Variants in ATP2C2 observed in about 807,000 individuals in gnomAD.
ATP2C2 encodes the protein ATPase secretory pathway Ca2+ transporting 2, also known as calcium-transporting ATPase type 2C member 2.
A neutral mutation model predicts 110.8 loss-of-function variants in ATP2C2; 171 were observed. That is an observed-to-expected ratio of 1.54 (90% confidence interval 1.36 to 1.75). The LOEUF (loss-of-function observed/expected upper bound fraction) is 1.75. Ranked by LOEUF, ATP2C2 falls within the 40% of genes most tolerant of loss-of-function variation. The pLI is 0.00. For missense variants in ATP2C2, 1,963 were observed against 1,235.0 expected (o/e 1.59, Z -8.84); for synonymous variants, 804 against 508.4 (o/e 1.58, Z -7.82).
At position 84,426,825 on chromosome 16, in the gene ATP2C2, T is replaced by C. The variant is rs140111414; in HGVS notation, c.986+1024T>C. 1.6e-4 allele frequency among the ~76,000 whole-genome samples: 24 copies of C among 152,262 alleles called. No individual in the cohort carries two copies. The East Asian group carries it at 4.2e-3, about 27-fold the overall frequency. On this transcript the variant is annotated intron_variant, in intron 11 of 26. Transcript: ENST00000262429. Reference sequence around the variant, plus strand: ...CAGCAGGGCTGGGAGTCATCATCACTTGATGATGCTAAGCCGAGGGGACCC... The same window carrying C: ...CAGCAGGGCTGGGAGTCATCATCACCTGATGATGCTAAGCCGAGGGGACCC...
rs72804665 is a variant in ATP2C2 at position 84,384,590 on chromosome 16, C to T, written c.100-13909C>T. Among the ~76,000 whole-genome samples the T allele has an allele frequency of 4.6e-5, 7 of 152,014 alleles. 1 individual carries two copies. Among genetic ancestry groups the T allele is most frequent in the African/African-American group, 9.7e-5 (4 of 41,372 alleles). ...CCCTTGTAATGATTAAGTATTTTAC[C>T]GAGAGACATGTTGAGACTGTGTCAG... is the stretch of plus-strand genomic sequence containing the variant. On this transcript the variant is annotated intron_variant, in intron 1 of 26. Coordinates refer to ENST00000262429, the MANE Select transcript of ATP2C2 (RefSeq NM_014861.4).
At chr16:84,460,984 A>T in intron 24 of ATP2C2, 183 bp downstream of exon 24, 1 of 825,628 alleles carries the variant, frequency 1.2e-6, no homozygotes, top group Middle Eastern at 3.8e-4. Flanking sequence ...TGACCCTTGA[A>T]AGAAGGGAGG....
chr16:84,401,033 T>C (rs990023981), intron 2 of ATP2C2, among the ~76,000 whole-genome samples: 2 of 152,182 alleles, frequency 1.3e-5, no homozygotes, highest in Non-Finnish European at 2.9e-5. Flanking sequence ...CTTCACTTTG[T>C]TGATGATTTC....
At chr16:84,391,165 C>T (rs569967879) in intron 1 of ATP2C2, among the ~76,000 whole-genome samples, 1 of 150,976 alleles carries the variant, frequency 6.6e-6, no homozygotes, top group Non-Finnish European at 1.5e-5. Context: ...TTGGTTCTGC[C>T]TAAATCACCT....
At chr16:84,377,531 TTCC>T (rs1910318693) in intron 1 of ATP2C2, among the ~76,000 whole-genome samples, 1 of 152,048 alleles carries the variant, frequency 6.6e-6, no homozygotes, top group Non-Finnish European at 1.5e-5. Flanking sequence ...CATGGCTGCC[TTCC>T]CTGTGTCTTC....
chr16:84,372,614 G>A (rs990085140), intron 1 of ATP2C2, among the ~76,000 whole-genome samples: 15 of 151,578 alleles, frequency 9.9e-5, no homozygotes, highest in Non-Finnish European at 1.8e-4. Flanking sequence ...TAGTAGAGAT[G>A]GGGGTTTCAC....
At chr16:84,453,006 C>T (rs1282980305) in intron 18 of ATP2C2, 132 bp from the exon 19 acceptor site, 5 of 861,976 alleles carry the variant, frequency 5.8e-6, no homozygotes, top group Admixed American at 4.8e-5. Flanking sequence ...GGCCGTGCAG[C>T]ATGGTAGGTC....
chr16:84,407,886 C>A (rs1597781015), intron 3 of ATP2C2, among the ~76,000 whole-genome samples: 1 of 152,298 alleles, frequency 6.6e-6, no homozygotes, highest in East Asian at 1.9e-4. Context: ...CATGAGATGT[C>A]TCTGAAATGA....
intron 11 of ATP2C2, among the ~76,000 whole-genome samples, chr16:84,438,259 G>A (rs1329029714): frequency 1.3e-5 from 2 of 152,168 alleles, no homozygotes; most frequent in Non-Finnish European, 2.9e-5. Flanking sequence ...AGCTTCAGCA[G>A]TGGCCCACTT....
At chr16:84,431,220 T>A (rs910118534) in intron 11 of ATP2C2, among the ~76,000 whole-genome samples, 4 of 151,956 alleles carry the variant, frequency 2.6e-5, no homozygotes, top group African/African-American at 4.8e-5. Flanking sequence ...AGAAACCAGC[T>A]GGGCATGGTG....
intron 11 of ATP2C2, among the ~76,000 whole-genome samples, chr16:84,434,374 C>G (rs1908557504): frequency 2.0e-5 from 3 of 151,676 alleles, no homozygotes; most frequent in African/African-American, 7.3e-5. Context: ...CGAGATTGCA[C>G]CGCTGCACTC....
At chr16:84,412,707 A>C (rs1204693694) in intron 6 of ATP2C2, among the ~76,000 whole-genome samples, 1 of 152,120 alleles carries the variant, frequency 6.6e-6, no homozygotes, top group African/African-American at 2.4e-5. Flanking sequence ...AAAAAAGGCC[A>C]AAGTCTTCTC....
At chr16:84,450,265 G>C (rs756819057) in intron 17 of ATP2C2, among the ~76,000 whole-genome samples, 2 of 152,168 alleles carry the variant, frequency 1.3e-5, no homozygotes, top group African/African-American at 2.4e-5. Context: ...TTTCCAATCT[G>C]TGTTTAGTCT....
rs980767651 is a variant in ATP2C2 at position 84,461,611 on chromosome 16, C to A, written c.2482-103C>A. ...CCGATTCATGAGCTTGTAAGTGGCT[C>A]CCAGCCATGCCCCAGGAGCAGTGAG... On this transcript the variant is annotated intron_variant, in intron 24 of 26. Coordinates refer to ENST00000262429, the MANE Select transcript of ATP2C2 (RefSeq NM_014861.4). 9 of 1,051,998 alleles carry A rather than the reference C, an allele frequency of 8.6e-6. No individual in the cohort carries two copies. In the African/African-American group the frequency reaches 1.4e-4, roughly 16 times the overall value. The allele number at this position is 1,051,998 out of a possible 1,614,324, so 65.2% of individuals were successfully genotyped here. A position where few individuals can be genotyped will look rare whatever the true frequency, so the allele number is the denominator to read the frequency against.
intron 1 of ATP2C2, among the ~76,000 whole-genome samples, chr16:84,384,659 A>G (rs959782624): frequency 6.6e-6 from 1 of 152,194 alleles, no homozygotes; most frequent in Non-Finnish European, 1.5e-5. Context: ...TTCGGCATGC[A>G]TGGACGATGC....
chr16:84,418,512 G>C (rs1177499183), intron 7 of ATP2C2, among the ~76,000 whole-genome samples: 3 of 152,162 alleles, frequency 2.0e-5, no homozygotes, highest in Non-Finnish European at 2.9e-5. Context: ...ACAGGTCTAT[G>C]CTAACCACCG....
chr16:84,420,832 GTC>G (rs1907267076), intron 7 of ATP2C2, among the ~76,000 whole-genome samples: 1 of 152,090 alleles, frequency 6.6e-6, no homozygotes, highest in Non-Finnish European at 1.5e-5. Context: ...TTTGAGCAGA[GTC>G]TCTCTCTGTC....
chr16:84,394,983 G>A (rs1904883633), intron 1 of ATP2C2, among the ~76,000 whole-genome samples: 2 of 152,094 alleles, frequency 1.3e-5, no homozygotes, highest in African/African-American at 4.8e-5. Flanking sequence ...CGTCAGTATT[G>A]CATTCCTGTT....
At chr16:84,413,145 A>G (rs576063032) in intron 6 of ATP2C2, among the ~76,000 whole-genome samples, 1 of 151,996 alleles carries the variant, frequency 6.6e-6, no homozygotes, top group South Asian at 2.1e-4. Flanking sequence ...GTCTGGGAAC[A>G]ACTCAGCCCA....
Sources: gnomAD v4.1 joint callset for allele counts (sites outside exome capture counted in the v4.1 genomes callset) on GRCh38, gnomAD v4.1.1 for gene constraint, MANE v1.5 for transcripts, NCBI Gene and HGNC (gene_info 2026-07-23, HGNC 2026-07-21) for gene names.